CACNB2: variants seen among roughly 807,000 people sequenced by gnomAD.
The protein encoded by CACNB2 is voltage-dependent L-type calcium channel subunit beta-2.
In CACNB2, 42 loss-of-function variants were observed where a neutral mutation model predicts 73.3. That is an observed-to-expected ratio of 0.57 (90% CI 0.45 to 0.74). The LOEUF (loss-of-function observed/expected upper bound fraction) is 0.74, where lower values mean the gene tolerates loss of function less well. Among genes scored for constraint, CACNB2 ranks in the 30% least tolerant of loss-of-function variants. The pLI, the probability that CACNB2 is intolerant of heterozygous loss-of-function variation, is 0.00. For synonymous variants in CACNB2, 348 were observed against 310.3 expected (o/e 1.12, Z -1.28); for missense variants, 940 against 853.0 (o/e 1.10, Z -1.27).
chr10:18,462,187 T>G (rs1589427854), intron 3 of CACNB2, among the ~76,000 whole-genome samples: 1 of 152,344 alleles, frequency 6.6e-6, no homozygotes, highest in East Asian at 1.9e-4. Context: ...CTATAAGAAA[T>G]TATTAAGCTG....
rs2054019045 is a variant in CACNB2, at chr10:18,540,593, A to AAAT, written c.*871_*873dup. ...TGTAATTTCCACCATAAATTATGGTAAATATAAAACTCCAGAGGTTGTTCT... is the reference window on the plus strand; with the variant it reads ...TGTAATTTCCACCATAAATTATGGTAAATAATATAAAACTCCAGAGGTTGTTCT... On this transcript the variant is annotated 3_prime_UTR_variant, in exon 14 of 14. Coordinates refer to ENST00000324631, the MANE Select transcript of CACNB2 (RefSeq NM_201596.3). The AAAT allele has an allele frequency of 6.6e-6, 1 of 152,614 alleles. No homozygotes were observed. Among genetic ancestry groups the AAAT allele is most frequent in the Admixed American group, 6.6e-5 (1 of 15,260 alleles). 9.5% of individuals were successfully genotyped at this position (152,614 alleles called of 1,614,324 possible).
At chr10:18,382,522 C>G (rs2043061782) in intron 2 of CACNB2, among the ~76,000 whole-genome samples, 1 of 152,018 alleles carries the variant, frequency 6.6e-6, no homozygotes, top group Non-Finnish European at 1.5e-5. Flanking sequence ...GCCATTTTTC[C>G]TAATCCTCTC....
At chr10:18,474,814 C>G (rs1261810470) in intron 3 of CACNB2, among the ~76,000 whole-genome samples, 7 of 152,012 alleles carry the variant, frequency 4.6e-5, no homozygotes, top group South Asian at 2.1e-4. Flanking sequence ...TCTGCAGATG[C>G]TAATGCCACG....
intron 2 of CACNB2, among the ~76,000 whole-genome samples, chr10:18,254,256 G>T (rs550870557): frequency 2.6e-5 from 4 of 152,292 alleles, no homozygotes; most frequent in Non-Finnish European, 4.4e-5. Flanking sequence ...GTATGACTGG[G>T]CTATCAGAGA....
intron 2 of CACNB2, among the ~76,000 whole-genome samples, chr10:18,225,933 C>T (rs1394609943): frequency 2.6e-5 from 4 of 152,108 alleles, no homozygotes; most frequent in Admixed American, 6.6e-5. Context: ...AAGCACTGGA[C>T]CTGGCCTAAT....
intron 3 of CACNB2, among the ~76,000 whole-genome samples, chr10:18,405,645 G>A (rs1442166464): frequency 6.6e-6 from 1 of 152,120 alleles, no homozygotes; most frequent in Non-Finnish European, 1.5e-5. Context: ...TCTGGATGTA[G>A]AAGGAGTTGA....
At chr10:18,199,821 C>A (rs548367775) in intron 2 of CACNB2, among the ~76,000 whole-genome samples, 3 of 152,004 alleles carry the variant, frequency 2.0e-5, no homozygotes, top group Non-Finnish European at 1.5e-5. Flanking sequence ...ATAGTTCAGG[C>A]GAAGTGTGAT....
intron 2 of CACNB2, among the ~76,000 whole-genome samples, chr10:18,159,480 G>A (rs2032301310): frequency 6.6e-6 from 1 of 152,150 alleles, no homozygotes; most frequent in African/African-American, 2.4e-5. Context: ...AAATTATCCT[G>A]TAGCTTCTAA....
chr10:18,205,878 C>T (rs928966817), intron 2 of CACNB2, among the ~76,000 whole-genome samples: 1 of 152,166 alleles, frequency 6.6e-6, no homozygotes, highest in Admixed American at 6.5e-5. Context: ...TTTGTTCTTG[C>T]TCCAATTTGC....
intron 2 of CACNB2, among the ~76,000 whole-genome samples, chr10:18,199,499 G>A (rs936910352): frequency 6.6e-6 from 1 of 152,108 alleles, no homozygotes; most frequent in South Asian, 2.1e-4. Flanking sequence ...AAGCCCTGGA[G>A]AGAAGTCTTG....
intron 3 of CACNB2, among the ~76,000 whole-genome samples, chr10:18,453,485 C>T (rs1367189012): frequency 2.0e-5 from 3 of 152,180 alleles, no homozygotes; most frequent in Non-Finnish European, 2.9e-5. Flanking sequence ...CCCCTCCTAC[C>T]TACTCACTGT....
intron 3 of CACNB2, among the ~76,000 whole-genome samples, chr10:18,465,796 C>G (rs2047849662): frequency 6.6e-6 from 1 of 152,044 alleles, no homozygotes; most frequent in Non-Finnish European, 1.5e-5. Context: ...GTTCTCCTGC[C>G]TCAGCCTCCC....
In CACNB2 at chr10:18,342,243, A is replaced by G. The variant is rs183813069; in HGVS notation, c.214-59681A>G. ...ACCTAAAATGCAAATTGCCAAATAC[A>G]TTCCATTGGCCATTTTGAATATTTT... On this transcript the variant is annotated intron_variant, in intron 2 of 13. Coordinates refer to ENST00000324631, the MANE Select transcript of CACNB2 (RefSeq NM_201596.3). Among the ~76,000 whole-genome samples, 19 of 152,344 alleles carry G rather than the reference A, an allele frequency of 1.2e-4. No individual in the cohort carries two copies. The South Asian group carries it at 1.4e-3, about 12-fold the overall frequency.
chr10:18,142,256 A>G (rs919172391), intron 1 of CACNB2, among the ~76,000 whole-genome samples: 1 of 152,232 alleles, frequency 6.6e-6, no homozygotes, highest in Non-Finnish European at 1.5e-5. Context: ...GACACCAAGG[A>G]CTTGTGTAAT....
chr10:18,524,827 C>T (rs1304122301), intron 9 of CACNB2, among the ~76,000 whole-genome samples: 1 of 149,692 alleles, frequency 6.7e-6, no homozygotes, highest in African/African-American at 2.5e-5. Context: ...AAGTTTCAGA[C>T]CAGCCTGGGC....
intron 2 of CACNB2, among the ~76,000 whole-genome samples, chr10:18,348,065 C>G (rs1188530329): frequency 6.6e-6 from 1 of 152,078 alleles, no homozygotes; most frequent in Non-Finnish European, 1.5e-5. Flanking sequence ...TGATATTGCC[C>G]AAAATTTTAA....
chr10:18,205,752 G>A (rs1434544230), intron 2 of CACNB2, among the ~76,000 whole-genome samples: 2 of 152,126 alleles, frequency 1.3e-5, no homozygotes, highest in Non-Finnish European at 1.5e-5. Flanking sequence ...GTGGAGAGAA[G>A]AGGGTAGTGT....
rs1244622619 is a variant in CACNB2 at position 18,176,898 on chromosome 10, A to G, written c.213+25923A>G. On this transcript the variant is annotated intron_variant, in intron 2 of 13. Coordinates refer to ENST00000324631, the MANE Select transcript of CACNB2 (RefSeq NM_201596.3). ...GAAGGTATGCGGGGAATGAGTGAAGATAAGGAAGAGATGAGTGGGACTTTT... is the reference window on the plus strand; with the variant it reads ...GAAGGTATGCGGGGAATGAGTGAAGGTAAGGAAGAGATGAGTGGGACTTTT... Among the ~76,000 whole-genome samples, 4 of 151,910 alleles carry G rather than the reference A, an allele frequency of 2.6e-5. No homozygotes were observed. In the East Asian group the frequency reaches 7.7e-4, roughly 29 times the overall value.
At chr10:18,258,576 A>C (rs1249678948) in intron 2 of CACNB2, among the ~76,000 whole-genome samples, 1 of 151,744 alleles carries the variant, frequency 6.6e-6, no homozygotes. Flanking sequence ...AAATACAAAA[A>C]TTTAGCCAGG....
Sources: gnomAD v4.1 joint callset for allele counts (sites outside exome capture counted in the v4.1 genomes callset) on GRCh38, gnomAD v4.1.1 for gene constraint, MANE v1.5 for transcripts, NCBI Gene and HGNC (gene_info 2026-07-23, HGNC 2026-07-21) for gene names.